SAV1: variants seen among roughly 807,000 people sequenced by gnomAD.
SAV1 encodes the protein salvador family WW domain containing protein 1.
SAV1 carries 23 observed loss-of-function variants against 47.3 expected under a neutral mutation model. That is an observed-to-expected ratio of 0.49 (90% CI 0.35 to 0.69). The LOEUF (loss-of-function observed/expected upper bound fraction) is 0.69, where lower values mean the gene tolerates loss of function less well. Ranked by LOEUF, SAV1 falls within the 30% of genes least tolerant of loss-of-function variation. The pLI, the probability that SAV1 is intolerant of heterozygous loss-of-function variation, is 0.01. For synonymous variants in SAV1, 155 were observed against 159.2 expected (o/e 0.97, Z 0.20); for missense variants, 448 against 457.4 (o/e 0.98, Z 0.19).
intron 4 of SAV1, among the ~76,000 whole-genome samples, chr14:50,639,062 C>T (rs544819524): frequency 1.1e-4 from 16 of 152,304 alleles, no homozygotes; most frequent in Non-Finnish European, 2.4e-4. Context: ...CCGCCGCACC[C>T]GGCCTAACTT....
chr14:50,652,406 A>G lies in SAV1; in HGVS notation c.536-7392T>C, dbSNP rs76606250. On this transcript the variant is annotated intron_variant, in intron 2 of 4. Coordinates refer to ENST00000324679, the MANE Select transcript of SAV1 (RefSeq NM_021818.4). Reference sequence around the variant, plus strand: ...TAATCCACCAAATAGCAATGAGTACAAGAGTGCAATCCCTGAATACTATTT... The same window carrying G: ...TAATCCACCAAATAGCAATGAGTACGAGAGTGCAATCCCTGAATACTATTT... Among the ~76,000 whole-genome samples the G allele has an allele frequency of 4.2e-3, 633 of 152,352 alleles. 1 individual carries two copies. Among genetic ancestry groups the G allele is most frequent in the Non-Finnish European group, 6.6e-3 (449 of 68,022 alleles).
At chr14:50,635,434 GTA>G in intron 4 of SAV1, 50 bp from the exon 5 acceptor site, 1 of 1,387,866 alleles carries the variant, frequency 7.2e-7, no homozygotes, top group Non-Finnish European at 1.0e-6. Context: ...ACATAAACAT[GTA>G]TTTCTAGCAA....
rs750590883 is a variant in SAV1, at chr14:50,640,830, C to G, written c.870G>C (p.Gln290His). 2 of 1,613,828 alleles carry G rather than the reference C, an allele frequency of 1.2e-6. No homozygotes were observed. The highest frequency in any genetic ancestry group is 1.7e-5 in the Admixed American group (1 of 60,004). ...TYQPQQTERN[Q>H]SLLVPANPYH... is the part of the protein sequence containing the mutation. ...ATGGATTTGCAGGTACCAGAAGGGA[C>G]TGATTTCTTTCAGTTTGCTGTGGCT... The change falls in exon 4 of 5, where the codon CAG becomes CAC. Residue 290 changes from glutamine (Q) to histidine (H), a missense_variant. Gln to His is a conservative substitution (Grantham distance 24). Coordinates refer to ENST00000324679, the MANE Select transcript of SAV1 (RefSeq NM_021818.4).
chr14:50,641,246 T>C (rs1398009535), intron 3 of SAV1, among the ~76,000 whole-genome samples: 1 of 151,986 alleles, frequency 6.6e-6, no homozygotes. Flanking sequence ...AGGCTGAAAA[T>C]GGGGGTTAGG....
intron 1 of SAV1, chr14:50,667,333 G>A (rs1272208069): frequency 4.5e-6 from 2 of 444,338 alleles, no homozygotes; most frequent in Non-Finnish European, 9.1e-6. Context: ...CTGTGTAAGA[G>A]TGATGAGGCT....
At chr14:50,653,276 G>T (rs2039784537) in intron 2 of SAV1, among the ~76,000 whole-genome samples, 1 of 152,154 alleles carries the variant, frequency 6.6e-6, no homozygotes, top group Non-Finnish European at 1.5e-5. Flanking sequence ...AAATCCATGA[G>T]TTCATGGTTA....
chr14:50,636,533 A>G (rs1043622914), intron 4 of SAV1, among the ~76,000 whole-genome samples: 1 of 152,204 alleles, frequency 6.6e-6, no homozygotes, highest in Non-Finnish European at 1.5e-5. Flanking sequence ...CTGTTTACAT[A>G]TATCATGGAA....
chr14:50,644,513 A>T (rs1032991227), intron 3 of SAV1, among the ~76,000 whole-genome samples: 1 of 152,054 alleles, frequency 6.6e-6, no homozygotes, highest in East Asian at 1.9e-4. Flanking sequence ...GAATCTGATC[A>T]TAAGAACAAT....
intron 3 of SAV1, among the ~76,000 whole-genome samples, chr14:50,641,246 TG>T (rs1392626934): frequency 4.6e-5 from 7 of 151,986 alleles, no homozygotes; most frequent in Non-Finnish European, 7.4e-5. Context: ...AGGCTGAAAA[TG>T]GGGGTTAGGA....
chr14:50,659,841 C>A (rs571952046), intron 2 of SAV1, among the ~76,000 whole-genome samples: 1 of 152,048 alleles, frequency 6.6e-6, no homozygotes, highest in Non-Finnish European at 1.5e-5. Flanking sequence ...AAGATCCTGT[C>A]TCAAAAAAGA....
chr14:50,638,392 G>A (rs944948464), intron 4 of SAV1, among the ~76,000 whole-genome samples: 43 of 152,008 alleles, frequency 2.8e-4, no homozygotes, highest in Admixed American at 2.8e-3. Context: ...TTTTCCTAGG[G>A]CAGTATTCTA....
intron 1 of SAV1, among the ~76,000 whole-genome samples, chr14:50,667,206 T>TA (rs989813949): frequency 8.5e-4 from 117 of 136,894 alleles, no homozygotes; most frequent in Admixed American, 1.7e-3. Flanking sequence ...TCTACCCTAT[T>TA]AAAAAAAAAA....
At chr14:50,661,008 T>C (rs767844775) in intron 2 of SAV1, among the ~76,000 whole-genome samples, 2 of 152,252 alleles carry the variant, frequency 1.3e-5, no homozygotes, top group Non-Finnish European at 2.9e-5. Flanking sequence ...GGTAGTTCTG[T>C]TTTCGGTTTT....
rs964468007 is a variant in SAV1, at chr14:50,635,470, G to A, written c.951-86C>T. On this transcript the variant is annotated intron_variant, in intron 4 of 4. Coordinates refer to ENST00000324679, the MANE Select transcript of SAV1 (RefSeq NM_021818.4). The stretch of plus-strand genomic sequence containing the variant: ...AAGAAACTAGTCTGTTTTTTAAAAT[G>A]TCAACTTTATTTATAACTAAACAAA... 3 of 1,049,374 alleles carry A rather than the reference G, an allele frequency of 2.9e-6. No homozygotes were observed. In the African/African-American group the frequency reaches 4.8e-5, roughly 17 times the overall value. 65.0% of individuals were successfully genotyped at this position (1,049,374 alleles called of 1,614,324 possible). A position where few individuals can be genotyped will look rare whatever the true frequency, so the allele number is the denominator to read the frequency against.
At chr14:50,641,381 T>C (rs1233179524) in intron 3 of SAV1, among the ~76,000 whole-genome samples, 3 of 125,450 alleles carry the variant, frequency 2.4e-5, no homozygotes. Context: ...CTATTTTAAG[T>C]CACAGAGATT....
chr14:50,665,306 T>C lies in SAV1; in HGVS notation c.408A>G (p.Ser136=), dbSNP rs61744198. 1.2e-3 allele frequency: 1,937 copies of C among 1,613,754 alleles called. 4 individuals carry two copies. Among genetic ancestry groups the C allele is most frequent in the Non-Finnish European group, 1.5e-3 (1,763 of 1,179,812 alleles). The part of the protein sequence containing the change: ...NGDSGSRYYY[S]DNFFDGQRKR... The stretch of plus-strand genomic sequence containing the variant: ...TTCTCTGACCATCAAAAAAATTGTC[T>C]GAATAATAATATCGGGAACCAGAGT... Residue 136 remains serine, a synonymous_variant, in exon 2 of 5, where the codon TCA becomes TCG. Transcript: ENST00000324679.
At position 50,637,663 on chromosome 14, in the gene SAV1, A is replaced by ATTTTTTTTTTTTT. The variant is rs771403561; in HGVS notation, c.951-2280_951-2279insAAAAAAAAAAAAA. 1.6e-5 allele frequency: 2 copies of ATTTTTTTTTTTTT among 128,768 alleles called. 1 individual carries two copies. 8.0% of individuals were successfully genotyped at this position (128,768 alleles called of 1,614,324 possible). The stretch of plus-strand genomic sequence containing the variant: ...GAAAAAATCTTCAAACAATTTTGTC[A>ATTTTTTTTTTTTT]GTTTTTTTTTTTTTTTTTTTTTTTT... On this transcript the variant is annotated intron_variant, in intron 4 of 4. Transcript: ENST00000324679.
chr14:50,635,943 G>A (rs573623503), intron 4 of SAV1, among the ~76,000 whole-genome samples: 21 of 152,204 alleles, frequency 1.4e-4, no homozygotes, highest in Admixed American at 1.0e-3. Context: ...TCCTGACCTC[G>A]TTATTCGCCC....
At chr14:50,635,438 T>C (rs567754889) in intron 4 of SAV1, 54 bp from the exon 5 acceptor site, 2 of 1,346,248 alleles carry the variant, frequency 1.5e-6, no homozygotes, top group African/African-American at 2.9e-5. Context: ...AAACATGTAT[T>C]TCTAGCAAGA....
Sources: allele counts gnomAD v4.1 joint callset (sites outside exome capture counted in the v4.1 genomes callset), GRCh38; gene constraint gnomAD v4.1.1; transcripts MANE v1.5; gene names NCBI Gene and HGNC (gene_info 2026-07-23, HGNC 2026-07-21).